ANKRD33B: variants seen among roughly 807,000 people sequenced by gnomAD.
The protein encoded by ANKRD33B is ankyrin repeat domain 33B.
In ANKRD33B, 6 loss-of-function variants were observed where a neutral mutation model predicts 21.5. The observed-to-expected ratio is 0.28, with a 90% CI of 0.15 to 0.55. The LOEUF (loss-of-function observed/expected upper bound fraction) is 0.55. ANKRD33B is among the 20% of genes least tolerant of loss of function. The pLI is 0.94. For synonymous variants in ANKRD33B, 347 were observed against 342.4 expected (o/e 1.01, Z -0.15); for missense variants, 698 against 747.2 (o/e 0.93, Z 0.77).
chr5:10,648,645 G>A (rs1285794203), intron 3 of ANKRD33B, among the ~76,000 whole-genome samples: 2 of 152,206 alleles, frequency 1.3e-5, no homozygotes, highest in African/African-American at 4.8e-5. Flanking sequence ...TGTAATCCCA[G>A]CTACTCGGGA....
intron 1 of ANKRD33B, among the ~76,000 whole-genome samples, chr5:10,591,502 T>G (rs1242842805): frequency 1.3e-5 from 2 of 151,896 alleles, no homozygotes; most frequent in Admixed American, 6.6e-5. Context: ...TGATTGAATA[T>G]TTAATGATTC....
At chr5:10,643,653 T>G (rs1737116379) in intron 3 of ANKRD33B, among the ~76,000 whole-genome samples, 1 of 151,214 alleles carries the variant, frequency 6.6e-6, no homozygotes, top group Admixed American at 6.6e-5. Context: ...CCGCCTCTAC[T>G]GAAAATACAA....
chr5:10,567,963 A>G (rs1331240241), intron 1 of ANKRD33B, among the ~76,000 whole-genome samples: 1 of 152,214 alleles, frequency 6.6e-6, no homozygotes, highest in Non-Finnish European at 1.5e-5. Flanking sequence ...AAAGGCGTCT[A>G]AACTTTTCTG....
intron 1 of ANKRD33B, among the ~76,000 whole-genome samples, chr5:10,610,614 A>G (rs888667220): frequency 1.3e-5 from 2 of 152,260 alleles, no homozygotes; most frequent in Non-Finnish European, 2.9e-5. Flanking sequence ...ATGCAGAGAC[A>G]CTATAGCAGT....
intron 1 of ANKRD33B, among the ~76,000 whole-genome samples, chr5:10,615,873 T>C (rs1352381634): frequency 6.6e-6 from 1 of 152,176 alleles, no homozygotes; most frequent in African/African-American, 2.4e-5. Flanking sequence ...AGCAGGTGGG[T>C]AGGTTAGCTG....
At chr5:10,643,534 G>C (rs1737113314) in intron 3 of ANKRD33B, among the ~76,000 whole-genome samples, 1 of 152,138 alleles carries the variant, frequency 6.6e-6, no homozygotes, top group African/African-American at 2.4e-5. Context: ...GTGACATCTT[G>C]GCCGGGCATG....
intron 1 of ANKRD33B, among the ~76,000 whole-genome samples, chr5:10,579,865 A>G (rs1410986023): frequency 6.6e-6 from 1 of 152,234 alleles, no homozygotes; most frequent in Non-Finnish European, 1.5e-5. Flanking sequence ...TTAACCGTTT[A>G]ATGTCTACCG....
At chr5:10,622,814 T>A (rs561296957) in intron 2 of ANKRD33B, among the ~76,000 whole-genome samples, 11 of 150,502 alleles carry the variant, frequency 7.3e-5, no homozygotes, top group Admixed American at 2.0e-4. Context: ...TTTTATTTTT[T>A]TTTTTTTCTG....
chr5:10,641,321 C>T (rs890384512), intron 3 of ANKRD33B, among the ~76,000 whole-genome samples: 17 of 150,922 alleles, frequency 1.1e-4, no homozygotes, highest in Admixed American at 4.0e-4. Context: ...CTCCACCTCC[C>T]GGGTTCAAGC....
At chr5:10,624,599 C>A (rs1020492051) in intron 2 of ANKRD33B, 1 of 379,696 alleles carries the variant, frequency 2.6e-6, no homozygotes, top group South Asian at 2.0e-5. Context: ...AGGTTGCATA[C>A]GGAGGCAGAG....
At chr5:10,597,123 A>T (rs2126565701) in intron 1 of ANKRD33B, among the ~76,000 whole-genome samples, 1 of 152,322 alleles carries the variant, frequency 6.6e-6, no homozygotes, top group East Asian at 1.9e-4. Context: ...ACTATGAGGC[A>T]ACAACATAAA....
chr5:10,596,020 G>A lies in ANKRD33B; in HGVS notation c.367-22313G>A, dbSNP rs141786825. Reference sequence around the variant, plus strand: ...TTTGAAAATATCATGTTTCGCCTATGCCTGGGGGATCTTTGTTTTTGGCAT... The same window carrying A: ...TTTGAAAATATCATGTTTCGCCTATACCTGGGGGATCTTTGTTTTTGGCAT... On this transcript the variant is annotated intron_variant, in intron 1 of 3. Transcript: ENST00000296657. Among the ~76,000 whole-genome samples, 6 of 152,322 alleles carry A rather than the reference G, an allele frequency of 3.9e-5. No homozygotes were observed. The East Asian group carries it at 1.2e-3, about 29-fold the overall frequency.
chr5:10,579,523 A>C (rs913012462), intron 1 of ANKRD33B, among the ~76,000 whole-genome samples: 19 of 152,204 alleles, frequency 1.2e-4, no homozygotes, highest in African/African-American at 4.3e-4. Flanking sequence ...CTACTTGTGC[A>C]TGACTTTGAA....
intron 1 of ANKRD33B, among the ~76,000 whole-genome samples, chr5:10,603,252 T>G (rs746069073): frequency 6.6e-6 from 1 of 152,178 alleles, no homozygotes; most frequent in Non-Finnish European, 1.5e-5. Flanking sequence ...TCAGAATTTT[T>G]TCATCCTTAA....
intron 3 of ANKRD33B, 109 bp downstream of exon 3, chr5:10,638,277 GCTGCAAT>G (rs540852001): frequency 4.7e-5 from 62 of 1,324,014 alleles, no homozygotes; most frequent in Admixed American, 8.2e-5. Context: ...ATGCCTAGTT[GCTGCAAT>G]AAATAATAGT....
intron 1 of ANKRD33B, among the ~76,000 whole-genome samples, chr5:10,575,199 C>CGAGGCGGGT (rs1387444609): frequency 6.7e-6 from 1 of 149,010 alleles, no homozygotes; most frequent in Non-Finnish European, 1.5e-5. Context: ...CCGAGGTGGG[C>CGAGGCGGGT]GGATCATGAG....
At chr5:10,633,164 C>G (rs2126595359) in intron 2 of ANKRD33B, among the ~76,000 whole-genome samples, 1 of 139,708 alleles carries the variant, frequency 7.2e-6, no homozygotes, top group East Asian at 2.1e-4. Flanking sequence ...TGCAGTGATG[C>G]AATCTTGGCT....
chr5:10,598,193 G>A (rs1462019132), intron 1 of ANKRD33B, among the ~76,000 whole-genome samples: 10 of 152,142 alleles, frequency 6.6e-5, no homozygotes. Context: ...AGACTTTTGA[G>A]TATTTTCTGA....
At chr5:10,607,940 C>T (rs989106646) in intron 1 of ANKRD33B, among the ~76,000 whole-genome samples, 1 of 152,208 alleles carries the variant, frequency 6.6e-6, no homozygotes, top group African/African-American at 2.4e-5. Context: ...AGCATGTCGT[C>T]TTAGGCGTCC....
Sources: gnomAD v4.1 joint callset for allele counts (sites outside exome capture counted in the v4.1 genomes callset) on GRCh38, gnomAD v4.1.1 for gene constraint, MANE v1.5 for transcripts, NCBI Gene and HGNC (gene_info 2026-07-23, HGNC 2026-07-21) for gene names.